The following FBLN2 variants were observed in gnomAD, a reference collection of about 807,000 sequenced individuals.
FBLN2 encodes the protein fibulin-2.
Under a neutral mutation model 123.7 loss-of-function variants are expected in FBLN2, and 81 were observed. The observed-to-expected ratio is 0.65, with a 90% CI of 0.55 to 0.79. The LOEUF (loss-of-function observed/expected upper bound fraction) is 0.79. FBLN2 is among the 30% of genes least tolerant of loss of function. The pLI is 0.00. For synonymous variants in FBLN2, 699 were observed against 701.4 expected (o/e 1.00, Z 0.05); for missense variants, 1,603 against 1,681.3 (o/e 0.95, Z 0.81).
chr3:13,559,143 C>T (rs533386924), intron 1 of FBLN2, among the ~76,000 whole-genome samples: 7 of 152,136 alleles, frequency 4.6e-5, no homozygotes, highest in Non-Finnish European at 1.0e-4. Context: ...GAGTGGACTG[C>T]AGGGAGTCTA....
chr3:13,626,163 C>T (rs184414909), intron 9 of FBLN2, among the ~76,000 whole-genome samples: 347 of 152,330 alleles, frequency 2.3e-3, no homozygotes, highest in Non-Finnish European at 4.1e-3. Flanking sequence ...ATTGTGTCCT[C>T]TCCCCTTGAG....
At chr3:13,602,125 A>G (rs149611645) in intron 2 of FBLN2, among the ~76,000 whole-genome samples, 208 of 152,332 alleles carry the variant, frequency 1.4e-3, no homozygotes, top group African/African-American at 4.8e-3. Context: ...TTATCTCTGT[A>G]AATTTTATTC....
chr3:13,589,242 C>T (rs745794352), intron 2 of FBLN2, among the ~76,000 whole-genome samples: 8 of 152,162 alleles, frequency 5.3e-5, no homozygotes, highest in Non-Finnish European at 7.3e-5. Flanking sequence ...CATGAAAATG[C>T]GGATGACAGT....
At chr3:13,612,436 A>T (rs566059661) in intron 4 of FBLN2, among the ~76,000 whole-genome samples, 3 of 151,274 alleles carry the variant, frequency 2.0e-5, no homozygotes, top group African/African-American at 7.3e-5. Flanking sequence ...GCTGGAGTGC[A>T]GTGATGCCAT....
rs1328809888 is a variant in FBLN2 at position 13,612,543 on chromosome 3, G to GCTGATTTTT, written c.1549-1440_1549-1432dup. Among the ~76,000 whole-genome samples the GCTGATTTTT allele has an allele frequency of 2.0e-5, 3 of 151,992 alleles. No individual in the cohort carries two copies. In the East Asian group the frequency reaches 5.8e-4, roughly 30 times the overall value. On this transcript the variant is annotated intron_variant, in intron 4 of 17. Transcript: ENST00000404922. ...CTACAGGTGCCCGCCACCACGCCCG[G>GCTGATTTTT]CTGATTTTTTTGTATTTTTAGTAGA...
intron 1 of FBLN2, among the ~76,000 whole-genome samples, chr3:13,554,834 A>G (rs1703419198): frequency 6.6e-6 from 1 of 151,988 alleles, no homozygotes; most frequent in Non-Finnish European, 1.5e-5. Flanking sequence ...CAGAGTGAGG[A>G]TGAGTTTCAC....
At chr3:13,563,465 G>GC (rs1019481845) in intron 1 of FBLN2, among the ~76,000 whole-genome samples, 3 of 152,194 alleles carry the variant, frequency 2.0e-5, no homozygotes, top group African/African-American at 7.2e-5. Context: ...CACCCGGGGT[G>GC]CCCCCCACAC....
intron 2 of FBLN2, among the ~76,000 whole-genome samples, chr3:13,593,100 C>T (rs745327733): frequency 9.9e-5 from 15 of 152,092 alleles, no homozygotes; most frequent in Non-Finnish European, 1.6e-4. Flanking sequence ...CGAGGTCAGC[C>T]CAGATTCAAC....
chr3:13,563,353 G>T (rs1703661426), intron 1 of FBLN2, among the ~76,000 whole-genome samples: 1 of 152,236 alleles, frequency 6.6e-6, no homozygotes, highest in Non-Finnish European at 1.5e-5. Flanking sequence ...GCCTTCTCCA[G>T]CTGCCTGCCC....
At chr3:13,619,085 AGGT>A in intron 7 of FBLN2, 68 bp downstream of exon 7, 1 of 1,212,262 alleles carries the variant, frequency 8.2e-7, no homozygotes, top group Non-Finnish European at 1.2e-6. Context: ...GGCTGCTTGC[AGGT>A]GGTGAGCTGT....
chr3:13,563,070 A>C (rs1253624527), intron 1 of FBLN2, among the ~76,000 whole-genome samples: 5 of 152,246 alleles, frequency 3.3e-5, no homozygotes, highest in Non-Finnish European at 7.3e-5. Flanking sequence ...TCTATCATGA[A>C]TAACACTGTA....
intron 10 of FBLN2, among the ~76,000 whole-genome samples, 157 bp from the exon 11 acceptor site, chr3:13,627,675 G>A (rs1387099706): frequency 6.6e-6 from 1 of 152,252 alleles, no homozygotes; most frequent in Non-Finnish European, 1.5e-5. Flanking sequence ...CTGGGACAAA[G>A]GCCATGCCGG....
chr3:13,604,414 G>A (rs1217049940), intron 2 of FBLN2, among the ~76,000 whole-genome samples: 2 of 152,080 alleles, frequency 1.3e-5, no homozygotes, highest in East Asian at 1.9e-4. Flanking sequence ...TTTTGTGTAA[G>A]GTGTAAGGAA....
At chr3:13,551,203 T>C (rs537495094) in intron 1 of FBLN2, among the ~76,000 whole-genome samples, 3 of 152,324 alleles carry the variant, frequency 2.0e-5, no homozygotes, top group African/African-American at 7.2e-5. Context: ...AGGCTGGTCC[T>C]CCATGCATGG....
intron 2 of FBLN2, among the ~76,000 whole-genome samples, chr3:13,575,609 CTG>C (rs1366843934): frequency 6.6e-6 from 1 of 152,194 alleles, no homozygotes; most frequent in Non-Finnish European, 1.5e-5. Context: ...GAGGGGAAAA[CTG>C]GGGCTCCTGA....
chr3:13,629,389 G>T, intron 13 of FBLN2, 97 bp downstream of exon 13: 1 of 1,422,684 alleles, frequency 7.0e-7, no homozygotes. Context: ...TCCACTGCCT[G>T]AGTGGGGCCC....
At chr3:13,557,653 CCATGTGACTGGGT>C (rs1703497489) in intron 1 of FBLN2, among the ~76,000 whole-genome samples, 2 of 152,260 alleles carry the variant, frequency 1.3e-5, no homozygotes, top group African/African-American at 4.8e-5. Flanking sequence ...TCAGCATGGG[CCATGTGACTGGGT>C]CGTGTGACTG....
chr3:13,572,541 G>A (rs1331759989), intron 2 of FBLN2, among the ~76,000 whole-genome samples: 1 of 152,224 alleles, frequency 6.6e-6, no homozygotes, highest in Admixed American at 6.5e-5. Flanking sequence ...CACTCCATCG[G>A]GCACATCAGA....
chr3:13,614,037 G>T lies in FBLN2; in HGVS notation c.1602G>T (p.Ser534=). The change falls in exon 5 of 18, where the codon TCG becomes TCT. Residue 534 remains serine, a synonymous_variant. Transcript: ENST00000404922. ...TCCGCGTGCGGGCCGAGGGCCAGTC[G>T]TGTGAGTCCAATCCTAACCTGGGCT... ...LGLRVRAEGQ[S]CESNPNLGYP... is the part of the protein sequence containing the mutation. 6.2e-7 allele frequency: 1 copy of T among 1,613,572 alleles called. No homozygotes were observed. Among genetic ancestry groups the T allele is most frequent in the Non-Finnish European group, 8.5e-7 (1 of 1,179,888 alleles).
Sources: gnomAD v4.1 joint callset for allele counts (sites outside exome capture counted in the v4.1 genomes callset) on GRCh38, gnomAD v4.1.1 for gene constraint, MANE v1.5 for transcripts, NCBI Gene and HGNC (gene_info 2026-07-23, HGNC 2026-07-21) for gene names.